Variants in VPS13C observed in about 807,000 individuals in gnomAD.
The protein encoded by VPS13C is intermembrane lipid transfer protein VPS13C.
VPS13C carries 358 observed loss-of-function variants against 456.8 expected under a neutral mutation model. That is an observed-to-expected ratio of 0.78 (90% confidence interval 0.72 to 0.86). The LOEUF (loss-of-function observed/expected upper bound fraction) is 0.86, where lower values mean the gene tolerates loss of function less well. Among genes scored for constraint, VPS13C ranks in the 40% least tolerant of loss-of-function variants. The probability of loss-of-function intolerance (pLI) is 0.00; values close to 1 mark genes in which losing one functional copy is unlikely to be tolerated. For synonymous variants in VPS13C, 1,578 were observed against 1,486.7 expected, an observed-to-expected ratio of 1.06 and a Z score of -1.41; for missense variants, 4,818 against 4,385.4, an observed-to-expected ratio of 1.10 and a Z score of -2.79.
intron 40 of VPS13C, 67 bp downstream of exon 40, chr15:61,950,878 T>A: frequency 1.0e-6 from 1 of 995,672 alleles, no homozygotes; most frequent in Non-Finnish European, 1.4e-6. Context: ...ATGAGAATAT[T>A]AAATATAAGG....
chr15:62,023,391 A>G lies in VPS13C; in HGVS notation c.624+20T>C, dbSNP rs1567121761. 7.7e-7 allele frequency: 1 copy of G among 1,304,176 alleles called. No homozygotes were observed. The allele number at this position is 1,304,176 out of a possible 1,614,324, so 80.8% of individuals were successfully genotyped here. A position where few individuals can be genotyped will look rare whatever the true frequency, so the allele number is the denominator to read the frequency against. ...AAAATACATATTTAATTATTAACTGAGTAAATAAAAATTACTTACATCATC... is the reference window on the plus strand; with the variant it reads ...AAAATACATATTTAATTATTAACTGGGTAAATAAAAATTACTTACATCATC... On this transcript the variant is annotated intron_variant, in intron 8 of 84. Transcript: ENST00000644861.
intron 11 of VPS13C, 87 bp from the exon 12 acceptor site, chr15:62,012,251 CACACACAA>C: frequency 1.5e-6 from 1 of 682,042 alleles, no homozygotes; most frequent in Non-Finnish European, 2.5e-6. Flanking sequence ...CACACACACA[CACACACAA>C]AGCTTGGTTC....
Position 61,921,984 on chromosome 15 carries a change from C to G in VPS13C, c.7025G>C (p.Arg2342Thr), listed in dbSNP as rs768173734. 6.2e-7 allele frequency: 1 copy of G among 1,613,540 alleles called. No homozygotes were observed. ...IHAVWEPLIE[R>T]VEGKRQWNLR... is the part of the protein sequence containing the mutation. ...ATTCCATTGTCTCTTCCCCTCCACT[C>G]TCTCAATCAGTGGCTCCCAGACAGC... Residue 2342 changes from arginine (R) to threonine (T), a missense_variant, in exon 55 of 85, where the codon AGA becomes ACA. By Grantham distance (71) the Arg-to-Thr change is moderately conservative. This residue lies in a region of VPS13C where 4,552 missense variants were observed against 4,130.6 expected (regional missense o/e 1.10). Coordinates refer to ENST00000644861, the MANE Select transcript of VPS13C (RefSeq NM_020821.3).
At chr15:61,855,066 C>A (rs1893832490) in intron 83 of VPS13C, 112 bp from the exon 84 acceptor site, 20 of 758,120 alleles carry the variant, frequency 2.6e-5, no homozygotes, top group Non-Finnish European at 4.2e-5. Context: ...AGTAGGCTAA[C>A]CAAATACACA....
chr15:62,006,025 G>T (rs542561250), intron 15 of VPS13C, among the ~76,000 whole-genome samples: 30 of 151,892 alleles, frequency 2.0e-4, no homozygotes, highest in African/African-American at 7.2e-4. Flanking sequence ...TTTTAAAAGG[G>T]AGTACATAAG....
At chr15:61,859,836 G>GTT (rs376642371) in intron 82 of VPS13C, among the ~76,000 whole-genome samples, 2 of 146,454 alleles carry the variant, frequency 1.4e-5, no homozygotes, top group Admixed American at 6.8e-5. Context: ...TATGTTGATG[G>GTT]TTTTTTTTTT....
rs1260969590 is a variant in VPS13C, at chr15:61,954,549, T to C, written c.4171A>G (p.Ile1391Val). The change falls in exon 38 of 85, where the codon ATT (isoleucine) becomes GTT (valine). Residue 1391 changes from isoleucine to valine, a missense_variant. Transcript: ENST00000644861. ...ATAGAGATTTCAAGGGGCTCTTTAATTTCACCTGAAATGTTTAAAAGAAAT... is the reference window on the plus strand; with the variant it reads ...ATAGAGATTTCAAGGGGCTCTTTAACTTCACCTGAAATGTTTAAAAGAAAT... ...VKPRVQETGE[I>V]KEPLEISISQ... The C allele has an allele frequency of 1.9e-6, 3 of 1,575,354 alleles. No individual in the cohort carries two copies. The highest frequency in any genetic ancestry group is 2.6e-6 in the Non-Finnish European group (3 of 1,167,920).
At chr15:62,027,630 A>T (rs1369567614) in intron 6 of VPS13C, among the ~76,000 whole-genome samples, 2 of 152,146 alleles carry the variant, frequency 1.3e-5, no homozygotes, top group Non-Finnish European at 2.9e-5. Flanking sequence ...TTGCCATTTA[A>T]TCAAAACAAA....
rs143966884 is a variant in VPS13C at position 61,874,470 on chromosome 15, T to C, written c.10414+406A>G. ...ATAAATATATACAATCATGTGTCAA[T>C]TAAAAATAAAATAATTTTTTAAGGC... is the stretch of plus-strand genomic sequence containing the variant. On this transcript the variant is annotated intron_variant, in intron 77 of 84. Transcript: ENST00000644861. 6.4e-4 allele frequency among the ~76,000 whole-genome samples: 97 copies of C among 152,176 alleles called. No individual in the cohort carries two copies. In the East Asian group the frequency reaches 0.011, roughly 18 times the overall value.
chr15:61,880,959 G>A lies in VPS13C; in HGVS notation c.9777-5C>T. 1 of 1,568,166 alleles carries A rather than the reference G, an allele frequency of 6.4e-7. No individual in the cohort carries two copies. Among genetic ancestry groups the A allele is most frequent in the African/African-American group, 1.4e-5 (1 of 71,970 alleles). ...TGAATGAGGACCATAAAATACCTAA[G>A]AAAAAAAATTTAAAATGGAAAAGGA... On this transcript the variant is annotated splice_polypyrimidine_tract_variant and splice_region_variant and intron_variant, in intron 71 of 84. Transcript: ENST00000644861.
At chr15:61,978,473 C>A (rs1296350712) in intron 23 of VPS13C, among the ~76,000 whole-genome samples, 153 bp downstream of exon 23, 3 of 152,106 alleles carry the variant, frequency 2.0e-5, no homozygotes, top group Non-Finnish European at 4.4e-5. Context: ...GTAATTTACA[C>A]TGATAGTGTC....
intron 47 of VPS13C, among the ~76,000 whole-genome samples, chr15:61,937,373 A>C (rs983152769): frequency 2.6e-5 from 4 of 152,250 alleles, no homozygotes; most frequent in African/African-American, 9.6e-5. Context: ...TGTGGCAAAA[A>C]GAAAAAGAGC....
chr15:62,006,128 A>G (rs1055236484), intron 15 of VPS13C, among the ~76,000 whole-genome samples: 5 of 150,872 alleles, frequency 3.3e-5, no homozygotes, highest in Admixed American at 6.6e-5. Context: ...TTATACTTTA[A>G]GTTCTAGGGT....
intron 63 of VPS13C, among the ~76,000 whole-genome samples, chr15:61,911,118 T>A (rs954494286): frequency 6.6e-6 from 1 of 152,160 alleles, no homozygotes; most frequent in African/African-American, 2.4e-5. Context: ...GAAAGTGACC[T>A]TCAACTATCC....
chr15:61,945,894 AGATTAACT>A lies in VPS13C; in HGVS notation c.4981-20_4981-13del. The stretch of plus-strand genomic sequence containing the variant: ...AAAATAGAGACAGCCTAAAAGTATT[AGATTAACT>A]GGTTATTATATCAAAAGAGCTGTAT... On this transcript the variant is annotated splice_polypyrimidine_tract_variant and intron_variant, in intron 44 of 84. Transcript: ENST00000644861. 1 of 1,588,908 alleles carries A rather than the reference AGATTAACT, an allele frequency of 6.3e-7. No individual in the cohort carries two copies.
At chr15:61,991,934 T>C in intron 16 of VPS13C, 132 bp from the exon 17 acceptor site, 1 of 965,078 alleles carries the variant, frequency 1.0e-6, no homozygotes, top group Non-Finnish European at 1.5e-6. Context: ...GTCAAGATCT[T>C]AAATGATGCT....
At chr15:61,952,239 T>A (rs1185553083) in intron 38 of VPS13C, among the ~76,000 whole-genome samples, 1 of 152,178 alleles carries the variant, frequency 6.6e-6, no homozygotes, top group Non-Finnish European at 1.5e-5. Context: ...TTCGGCACCA[T>A]TAACATTTTG....
At chr15:62,014,025 G>C (rs747950578) in intron 9 of VPS13C, 33 bp from the exon 10 acceptor site, 3 of 1,538,202 alleles carry the variant, frequency 2.0e-6, no homozygotes, top group African/African-American at 2.7e-5. Flanking sequence ...TGTGAAACGT[G>C]GTATGGATGT....
chr15:61,863,746 C>A, intron 81 of VPS13C: 1 of 378,000 alleles, frequency 2.6e-6, no homozygotes, highest in Non-Finnish European at 4.8e-6. Flanking sequence ...GTAATAAATG[C>A]TTACCAAGTG....
Sources: allele counts gnomAD v4.1 joint callset (sites outside exome capture counted in the v4.1 genomes callset), GRCh38; gene constraint gnomAD v4.1.1; regional missense constraint gnomAD v4.1.1; transcripts MANE v1.5; gene names NCBI Gene and HGNC (gene_info 2026-07-23, HGNC 2026-07-21).